The following ADAD1 variants were observed in gnomAD, a reference collection of about 807,000 sequenced individuals.
ADAD1 encodes adenosine deaminase domain containing 1.
In ADAD1, 46 loss-of-function variants were observed where a neutral mutation model predicts 66.8. That is an observed-to-expected ratio of 0.69 (90% CI 0.54 to 0.88). The LOEUF is 0.88. Ranked by LOEUF, ADAD1 falls within the 40% of genes least tolerant of loss-of-function variation. The pLI is 0.00. For synonymous variants in ADAD1, 248 were observed against 229.4 expected (o/e 1.08, Z -0.73); for missense variants, 617 against 681.8 (o/e 0.91, Z 1.06).
At chr4:122,402,894 C>T (rs1388070501) in intron 7 of ADAD1, among the ~76,000 whole-genome samples, 1 of 151,880 alleles carries the variant, frequency 6.6e-6, no homozygotes, top group African/African-American at 2.4e-5. Context: ...TTTATCCATA[C>T]CCTATATATG....
chr4:122,412,267 A>AG (rs1796499770), intron 9 of ADAD1, among the ~76,000 whole-genome samples: 1 of 152,126 alleles, frequency 6.6e-6, no homozygotes, highest in African/African-American at 2.4e-5. Context: ...TTTCATACAG[A>AG]GGAAGGAACT....
At chr4:122,422,193 C>A (rs1797032129) in intron 12 of ADAD1, among the ~76,000 whole-genome samples, 1 of 144,566 alleles carries the variant, frequency 6.9e-6, no homozygotes, top group African/African-American at 2.6e-5. Flanking sequence ...GGCACGATCT[C>A]AGCTCACTGC....
rs533315701 is a variant in ADAD1 at position 122,398,484 on chromosome 4, AGATACCTAGTAGTGG to A, written c.724+2111_724+2125del. Among the ~76,000 whole-genome samples the A allele has an allele frequency of 4.6e-5, 7 of 152,220 alleles. No individual in the cohort carries two copies. The South Asian group carries it at 1.5e-3, about 32-fold the overall frequency. On this transcript the variant is annotated intron_variant, in intron 7 of 12. Coordinates refer to ENST00000296513, the MANE Select transcript of ADAD1 (RefSeq NM_139243.4). ...TATAATGACTTTTTTTCCTCTGGGT[AGATACCTAGTAGTGG>A]GATTGTTGGATCAAATGATAATTCT...
intron 12 of ADAD1, among the ~76,000 whole-genome samples, chr4:122,427,051 T>C (rs1580818492): frequency 6.6e-6 from 1 of 152,202 alleles, no homozygotes; most frequent in East Asian, 1.9e-4. Flanking sequence ...GAAGAAATAT[T>C]CCTAAATTGT....
chr4:122,409,985 C>T (rs539299004), intron 8 of ADAD1, among the ~76,000 whole-genome samples: 118 of 152,174 alleles, frequency 7.8e-4, no homozygotes, highest in African/African-American at 2.7e-3. Context: ...TGGCCTCTTA[C>T]GGATGTTTTC....
chr4:122,395,404 C>T (rs901355057), intron 6 of ADAD1, among the ~76,000 whole-genome samples: 3 of 151,956 alleles, frequency 2.0e-5, no homozygotes, highest in African/African-American at 4.8e-5. Flanking sequence ...ATAATGAGGC[C>T]GGGCGCGGTG....
chr4:122,397,284 C>A (rs186521243), intron 7 of ADAD1, among the ~76,000 whole-genome samples: 2 of 152,276 alleles, frequency 1.3e-5, no homozygotes, highest in African/African-American at 2.4e-5. Flanking sequence ...TCAGTTAAAG[C>A]TGTAATTTCA....
chr4:122,388,293 A>G (rs1795272354), intron 5 of ADAD1, among the ~76,000 whole-genome samples: 1 of 152,172 alleles, frequency 6.6e-6, no homozygotes, highest in Non-Finnish European at 1.5e-5. Context: ...AGATTTTCCC[A>G]TTGATGTTCA....
chr4:122,393,880 A>G (rs913351071), intron 6 of ADAD1, among the ~76,000 whole-genome samples: 2 of 152,160 alleles, frequency 1.3e-5, no homozygotes, highest in African/African-American at 2.4e-5. Context: ...TTTTTCCTAT[A>G]AGGAGATGTT....
At chr4:122,413,512 T>G (rs1204985921) in intron 10 of ADAD1, among the ~76,000 whole-genome samples, 1 of 152,082 alleles carries the variant, frequency 6.6e-6, no homozygotes, top group African/African-American at 2.4e-5. Context: ...TCTTGCAAAT[T>G]TGGTAACCCC....
chr4:122,412,486 G>A, intron 9 of ADAD1, 94 bp from the exon 10 acceptor site: 2 of 1,017,110 alleles, frequency 2.0e-6, no homozygotes, highest in Non-Finnish European at 2.9e-6. Context: ...ACACTGGGAA[G>A]TTAAACATGT....
At chr4:122,407,555 C>CATGCCATTTA (rs1293495964) in intron 7 of ADAD1, among the ~76,000 whole-genome samples, 1 of 151,968 alleles carries the variant, frequency 6.6e-6, no homozygotes, top group South Asian at 2.1e-4. Flanking sequence ...AAGACAGAAG[C>CATGCCATTTA]AGAATGGCAA....
chr4:122,383,917 T>A lies in ADAD1; in HGVS notation c.480T>A (p.Asp160Glu). ...CCAATGCAGCAAAATTAGCTCTTGA[T>A]GAGCTTCTACAACTGGATGAACCTG... is the stretch of plus-strand genomic sequence containing the variant. Reference protein sequence around the residue: ...SRSNAAKLALDELLQLDEPEP... With the variant: ...SRSNAAKLALEELLQLDEPEP... The change falls in exon 5 of 13, where the codon GAT becomes GAA. Residue 160 changes from aspartate (D) to glutamate (E), a missense_variant. By Grantham distance (45) the Asp-to-Glu change is conservative. Transcript: ENST00000296513. 1.2e-6 allele frequency: 2 copies of A among 1,613,742 alleles called. No individual in the cohort carries two copies. The highest frequency in any genetic ancestry group is 1.7e-6 in the Non-Finnish European group (2 of 1,179,838).
At chr4:122,402,886 T>A (rs563863540) in intron 7 of ADAD1, among the ~76,000 whole-genome samples, 24 of 152,288 alleles carry the variant, frequency 1.6e-4, no homozygotes, top group African/African-American at 5.5e-4. Flanking sequence ...GAGACTTTTT[T>A]ATCCATACCC....
intron 5 of ADAD1, among the ~76,000 whole-genome samples, chr4:122,386,216 C>G (rs1205032759): frequency 6.6e-6 from 1 of 152,096 alleles, no homozygotes; most frequent in Non-Finnish European, 1.5e-5. Flanking sequence ...TGTTTCCTGA[C>G]TTTTTAGTAA....
intron 8 of ADAD1, among the ~76,000 whole-genome samples, chr4:122,410,201 CATT>C (rs1238350878): frequency 6.6e-6 from 1 of 152,120 alleles, no homozygotes; most frequent in Non-Finnish European, 1.5e-5. Context: ...TAATCTTAAA[CATT>C]ATTCAGCAAG....
rs965697981 is a variant in ADAD1 at position 122,383,678 on chromosome 4, G to A, written c.362-121G>A. On this transcript the variant is annotated intron_variant, in intron 4 of 12. Coordinates refer to ENST00000296513, the MANE Select transcript of ADAD1 (RefSeq NM_139243.4). ...TTGGTCCTACAAAAGGACTTGTAAAGTTGGTGTTTATGAGGTAGTTTTTGA... is the reference window on the plus strand; with the variant it reads ...TTGGTCCTACAAAAGGACTTGTAAAATTGGTGTTTATGAGGTAGTTTTTGA... 1.3e-4 allele frequency: 137 copies of A among 1,093,050 alleles called. No homozygotes were observed. The Middle Eastern group carries it at 1.5e-3, about 12-fold the overall frequency. The allele number at this position is 1,093,050 out of a possible 1,614,324, so 67.7% of individuals were successfully genotyped here. A position where few individuals can be genotyped will look rare whatever the true frequency, so the allele number is the denominator to read the frequency against.
At chr4:122,425,576 C>T (rs1406639459) in intron 12 of ADAD1, among the ~76,000 whole-genome samples, 3 of 147,290 alleles carry the variant, frequency 2.0e-5, no homozygotes, top group African/African-American at 5.0e-5. Flanking sequence ...AACTATGGAT[C>T]GAAAATATTT....
chr4:122,429,566 T>A, intron 12 of ADAD1, 60 bp from the exon 13 acceptor site: 1 of 1,022,674 alleles, frequency 9.8e-7, no homozygotes, highest in Non-Finnish European at 1.5e-6. Context: ...GTATTGGGGC[T>A]ACTTTTCAGC....
Sources: allele counts gnomAD v4.1 joint callset (sites outside exome capture counted in the v4.1 genomes callset), GRCh38; gene constraint gnomAD v4.1.1; transcripts MANE v1.5; gene names NCBI Gene and HGNC (gene_info 2026-07-23, HGNC 2026-07-21).